Variants in SAMMSON observed in about 807,000 individuals in gnomAD.
SAMMSON encodes the protein survival associated mitochondrial melanoma specific oncogenic non-coding RNA.
chr3:70,130,698 G>A (rs2067479314), intron 4 of SAMMSON, among the ~76,000 whole-genome samples: 1 of 152,090 alleles, frequency 6.6e-6, no homozygotes, highest in African/African-American at 2.4e-5. Flanking sequence ...ACATGGAGAA[G>A]CCAGGTGAAC....
intron 7 of SAMMSON, among the ~76,000 whole-genome samples, chr3:70,294,497 C>T (rs995585527): frequency 6.6e-6 from 1 of 151,986 alleles, no homozygotes; most frequent in Non-Finnish European, 1.5e-5. Flanking sequence ...AAAGAGATCC[C>T]AAAAATGACT....
intron 4 of SAMMSON, chr3:70,120,506 T>C (rs1183936515): frequency 6.6e-6 from 1 of 152,254 alleles, no homozygotes; most frequent in Non-Finnish European, 1.5e-5. Context: ...CCCGCCATGA[T>C]GACAGAAGCT....
intron 2 of SAMMSON, among the ~76,000 whole-genome samples, chr3:70,394,986 C>T (rs1249276483): frequency 2.0e-5 from 3 of 152,120 alleles, no homozygotes; most frequent in Non-Finnish European, 4.4e-5. Flanking sequence ...TATTTTTTAT[C>T]TTGAAAGCTG....
At chr3:70,392,682 C>A (rs1259011877), downstream of SAMMSON, among the ~76,000 whole-genome samples, 1 of 152,088 alleles carries the variant, frequency 6.6e-6, no homozygotes, top group African/African-American at 2.4e-5. Context: ...GACTTTGCGA[C>A]CCCGACTAAA....
chr3:70,368,172 T>G (rs952359219), intron 9 of SAMMSON, among the ~76,000 whole-genome samples: 3 of 151,476 alleles, frequency 2.0e-5, no homozygotes, highest in African/African-American at 7.2e-5. Flanking sequence ...TTATTATATC[T>G]GAAAACTCAT....
At chr3:70,129,167 C>T (rs1490313797) in intron 4 of SAMMSON, among the ~76,000 whole-genome samples, 1 of 152,114 alleles carries the variant, frequency 6.6e-6, no homozygotes, top group Non-Finnish European at 1.5e-5. Flanking sequence ...ATAAAAGTAA[C>T]CTCTTTTGTA....
chr3:70,381,493 T>C (rs12638389), intron 9 of SAMMSON, among the ~76,000 whole-genome samples: 1 of 152,274 alleles, frequency 6.6e-6, no homozygotes, highest in East Asian at 1.9e-4. Context: ...ACAAGAGAGA[T>C]ATTAGATTGT....
At chr3:70,078,457 T>C (rs932186864) in intron 4 of SAMMSON, among the ~76,000 whole-genome samples, 1 of 152,090 alleles carries the variant, frequency 6.6e-6, no homozygotes, top group African/African-American at 2.4e-5. Context: ...GATCATGCTT[T>C]TATCACTGTG....
chr3:70,289,667 T>A (rs1702210129), intron 6 of SAMMSON, among the ~76,000 whole-genome samples: 1 of 152,060 alleles, frequency 6.6e-6, no homozygotes. Flanking sequence ...TCCAACTTGG[T>A]TCCATTCTCC....
intron 2 of SAMMSON, among the ~76,000 whole-genome samples, chr3:70,407,501 A>G (rs1325836453): frequency 6.6e-6 from 1 of 152,182 alleles, no homozygotes; most frequent in Admixed American, 6.5e-5. Flanking sequence ...AAAACAAAGG[A>G]GTATAGGGCC....
intron 2 of SAMMSON, among the ~76,000 whole-genome samples, chr3:70,427,585 A>G (rs547612950): frequency 6.6e-6 from 1 of 152,150 alleles, no homozygotes; most frequent in South Asian, 2.1e-4. Context: ...TAAAAATACA[A>G]AAATTAGCCG....
chr3:70,133,876 G>T (rs114929725), intron 4 of SAMMSON, among the ~76,000 whole-genome samples: 239 of 152,094 alleles, frequency 1.6e-3, no homozygotes, highest in African/African-American at 5.4e-3. Context: ...CCAGGCTTTG[G>T]GTTCAGACTG....
intron 7 of SAMMSON, among the ~76,000 whole-genome samples, chr3:70,346,498 A>C (rs1246890681): frequency 6.6e-6 from 1 of 152,062 alleles, no homozygotes; most frequent in African/African-American, 2.4e-5. Flanking sequence ...GCATATAAAT[A>C]TCCAACTGTT....
At chr3:70,196,678 A>T (rs1701184721) in intron 4 of SAMMSON, among the ~76,000 whole-genome samples, 1 of 152,210 alleles carries the variant, frequency 6.6e-6, no homozygotes, top group Admixed American at 6.5e-5. Context: ...TTTAAGAGGT[A>T]TTTAAGATTT....
At chr3:70,383,004 CT>C (rs1446431067) in intron 9 of SAMMSON, among the ~76,000 whole-genome samples, 1 of 151,980 alleles carries the variant, frequency 6.6e-6, no homozygotes. Flanking sequence ...AAAATGGTTT[CT>C]TCCTGTCTTT....
chr3:70,038,890 G>A (rs928001649), intron 3 of SAMMSON, among the ~76,000 whole-genome samples: 1 of 152,060 alleles, frequency 6.6e-6, no homozygotes, highest in Admixed American at 6.6e-5. Context: ...GTTTGTGGCT[G>A]AGGAGTTGAA....
At chr3:70,168,994 T>A (rs2067649326) in intron 4 of SAMMSON, among the ~76,000 whole-genome samples, 2 of 151,852 alleles carry the variant, frequency 1.3e-5, no homozygotes, top group African/African-American at 4.8e-5. Context: ...GCTCTCCTAA[T>A]AGAAACAAGG....
intron 4 of SAMMSON, among the ~76,000 whole-genome samples, chr3:70,245,432 A>G (rs1701697612): frequency 1.3e-5 from 2 of 151,578 alleles, no homozygotes; most frequent in African/African-American, 4.8e-5. Flanking sequence ...GGAAAATCAC[A>G]AACTTGACTT....
intron 2 of SAMMSON, among the ~76,000 whole-genome samples, chr3:70,418,885 T>C (rs1413203736): frequency 6.6e-6 from 1 of 150,978 alleles, no homozygotes; most frequent in Non-Finnish European, 1.5e-5. Flanking sequence ...AAGGCTCTAA[T>C]GGAACTCAAA....
Sources: allele counts gnomAD v4.1 joint callset (sites outside exome capture counted in the v4.1 genomes callset), GRCh38; gene constraint gnomAD v4.1.1; transcripts MANE v1.5; gene names NCBI Gene and HGNC (gene_info 2026-07-23, HGNC 2026-07-21).